Variants in RANBP2 observed in about 807,000 individuals in gnomAD.
RANBP2 encodes the protein RAN binding protein 2, also known as E3 SUMO-protein ligase RanBP2.
A neutral mutation model predicts 303.6 loss-of-function variants in RANBP2; 57 were observed. The ratio of observed to expected loss-of-function variants is 0.19; its 90% confidence interval spans 0.15 to 0.23. RANBP2 has a LOEUF of 0.23. Among genes scored for constraint, RANBP2 ranks in the 10% least tolerant of loss-of-function variants. The pLI, the probability that RANBP2 is intolerant of heterozygous loss-of-function variation, is 1.00. For synonymous variants in RANBP2, 1,167 were observed against 1,301.5 expected, an observed-to-expected ratio of 0.90 and a Z score of 2.23; for missense variants, 3,138 against 3,780.8, an observed-to-expected ratio of 0.83 and a Z score of 4.46.
the RANBP2 span, among the ~76,000 whole-genome samples, chr2:108,997,910 A>AACG: frequency 6.6e-6 from 1 of 152,138 alleles, no homozygotes; most frequent in Admixed American, 6.5e-5. Flanking sequence ...CAACAACAAC[A>AACG]AACAAAAACA....
chr2:109,058,357 T>C, the RANBP2 span, among the ~76,000 whole-genome samples: 4 of 152,172 alleles, frequency 2.6e-5, no homozygotes, highest in Admixed American at 2.6e-4. Context: ...CCCACATTCT[T>C]ATTATAGCTT....
At chr2:109,659,017 A>T in the RANBP2 span, among the ~76,000 whole-genome samples, 1 of 152,102 alleles carries the variant, frequency 6.6e-6, no homozygotes, top group Non-Finnish European at 1.5e-5. Context: ...GTAAGCCAAG[A>T]TCACGCCATT....
At chr2:108,794,565 A>G in the RANBP2 span, 3 of 1,612,734 alleles carry the variant, frequency 1.9e-6, no homozygotes, top group East Asian at 2.2e-5. Context: ...ATACGACCTC[A>G]TCGAGACCTC....
rs1300761427 is a variant in RANBP2 at position 108,755,033 on chromosome 2, T to C, written c.2331T>C (p.His777=). Residue 777 remains histidine, a synonymous_variant, in exon 16 of 29, where the codon CAT becomes CAC. Transcript: ENST00000283195. ...SLRNADSEIK[H]STPSPTRYSL... ...GAAATGCAGATTCAGAAATAAAACATTCTACACCGTCTCCTACCAGATATT... is the reference window on the plus strand; with the variant it reads ...GAAATGCAGATTCAGAAATAAAACACTCTACACCGTCTCCTACCAGATATT... The C allele has an allele frequency of 3.1e-6, 5 of 1,611,746 alleles. No individual in the cohort carries two copies. Among genetic ancestry groups the C allele is most frequent in the Non-Finnish European group, 4.2e-6 (5 of 1,179,832 alleles).
the RANBP2 span, among the ~76,000 whole-genome samples, chr2:108,831,607 C>T: frequency 3.9e-5 from 6 of 152,148 alleles, no homozygotes; most frequent in Non-Finnish European, 7.3e-5. Context: ...CCAATTTTAG[C>T]ACACATCAGA....
At chr2:109,456,178 C>T in the RANBP2 span, among the ~76,000 whole-genome samples, 1 of 152,242 alleles carries the variant, frequency 6.6e-6, no homozygotes, top group Admixed American at 6.5e-5. Flanking sequence ...CACCTCTGCC[C>T]TGGCCACTTG....
chr2:109,067,885 C>T, the RANBP2 span, among the ~76,000 whole-genome samples: 2 of 152,192 alleles, frequency 1.3e-5, no homozygotes, highest in Non-Finnish European at 2.9e-5. Flanking sequence ...CTGTTCTGAC[C>T]CTGGCAATCC....
At chr2:109,430,387 G>A in the RANBP2 span, among the ~76,000 whole-genome samples, 1 of 152,166 alleles carries the variant, frequency 6.6e-6, no homozygotes, top group African/African-American at 2.4e-5. Context: ...AGTCCTCCCT[G>A]CACTCTTCCT....
chr2:109,069,335 T>A, the RANBP2 span, among the ~76,000 whole-genome samples: 1 of 152,208 alleles, frequency 6.6e-6, no homozygotes, highest in Non-Finnish European at 1.5e-5. Flanking sequence ...AATAGGATAG[T>A]GTACTTCTTA....
chr2:109,138,773 T>C, the RANBP2 span, among the ~76,000 whole-genome samples: 1 of 152,228 alleles, frequency 6.6e-6, no homozygotes, highest in Non-Finnish European at 1.5e-5. Flanking sequence ...GTGCTGCTCT[T>C]GAAGACTGGC....
At chr2:108,908,977 G>A in the RANBP2 span, among the ~76,000 whole-genome samples, 2 of 152,104 alleles carry the variant, frequency 1.3e-5, no homozygotes, top group Admixed American at 6.5e-5. Context: ...GTCCCCACTC[G>A]AGAGAAGGTG....
At chr2:109,009,589 C>T in the RANBP2 span, among the ~76,000 whole-genome samples, 2 of 152,036 alleles carry the variant, frequency 1.3e-5, no homozygotes, top group African/African-American at 4.8e-5. Context: ...GCAGTGCTGC[C>T]ATCCTAGCTC....
At chr2:109,068,047 G>T in the RANBP2 span, among the ~76,000 whole-genome samples, 1 of 152,214 alleles carries the variant, frequency 6.6e-6, no homozygotes, top group Non-Finnish European at 1.5e-5. Flanking sequence ...CCCCTGTAAG[G>T]CTTGCTCCAA....
chr2:108,748,996 C>T lies in RANBP2; in HGVS notation c.1140C>T (p.Ser380=), dbSNP rs762886340. 1.7e-5 allele frequency: 27 copies of T among 1,611,710 alleles called. No individual in the cohort carries two copies. Among genetic ancestry groups the T allele is most frequent in the African/African-American group, 1.1e-4 (8 of 74,782 alleles). ...KEIVETFANK[S]GQSALYDALF... is the part of the protein sequence containing the mutation. ...TTGTTGAAACTTTTGCCAACAAAAGCGGGCAGTCTGCATTATATGATGCTC... is the reference window on the plus strand; with the variant it reads ...TTGTTGAAACTTTTGCCAACAAAAGTGGGCAGTCTGCATTATATGATGCTC... Residue 380 remains serine (S), a synonymous_variant, in exon 9 of 29, where the codon AGC becomes AGT. Coordinates refer to ENST00000283195, the MANE Select transcript of RANBP2 (RefSeq NM_006267.5).
chr2:109,497,702 A>G, the RANBP2 span, among the ~76,000 whole-genome samples: 3 of 152,248 alleles, frequency 2.0e-5, no homozygotes, highest in Non-Finnish European at 4.4e-5. Flanking sequence ...TGATCTGGAC[A>G]GAAACGTTAA....
chr2:109,084,327 G>A, the RANBP2 span, among the ~76,000 whole-genome samples: 134 of 152,348 alleles, frequency 8.8e-4, 1 homozygote, highest in Admixed American at 2.8e-3. Context: ...TGAGAAGGGC[G>A]TTGGATATTT....
the RANBP2 span, among the ~76,000 whole-genome samples, chr2:108,911,394 G>C: frequency 6.6e-6 from 1 of 152,176 alleles, no homozygotes; most frequent in Non-Finnish European, 1.5e-5. Flanking sequence ...TGGAGAGGAA[G>C]AAAGGCCAGT....
In RANBP2 at chr2:108,784,112, G is replaced by T; in HGVS notation, c.*211G>T. 1.8e-6 allele frequency: 1 copy of T among 543,964 alleles called. No homozygotes were observed. The allele number at this position is 543,964 out of a possible 1,614,324, so 33.7% of individuals were successfully genotyped here. ...AAGTTTAAACACTGGTGTATTTCAG[G>T]TGTACTTGTGTTTATGTACTCCTGA... On this transcript the variant is annotated 3_prime_UTR_variant, in exon 29 of 29. Transcript: ENST00000283195.
chr2:109,497,306 G>A, the RANBP2 span, among the ~76,000 whole-genome samples: 2 of 152,088 alleles, frequency 1.3e-5, no homozygotes, highest in Admixed American at 1.3e-4. Context: ...TTCCTGTGTT[G>A]GAGCAAGTGC....
Sources: allele counts gnomAD v4.1 joint callset (sites outside exome capture counted in the v4.1 genomes callset), GRCh38; gene constraint gnomAD v4.1.1; transcripts MANE v1.5; gene names NCBI Gene and HGNC (gene_info 2026-07-23, HGNC 2026-07-21).